The following SHB variants were observed in gnomAD, a reference collection of about 807,000 sequenced individuals.
The protein encoded by SHB is SH2 domain containing adaptor protein B.
SHB carries 20 observed loss-of-function variants against 52.3 expected under a neutral mutation model. The ratio of observed to expected loss-of-function variants is 0.38; its 90% confidence interval spans 0.27 to 0.56. SHB has a LOEUF of 0.56. SHB is among the 20% of genes least tolerant of loss of function. The pLI, the probability that SHB is intolerant of heterozygous loss-of-function variation, is 0.71. For missense variants in SHB, 825 were observed against 723.3 expected (o/e 1.14, Z -1.61); for synonymous variants, 397 against 316.5 (o/e 1.25, Z -2.70).
chr9:38,000,234 AAGG>A (rs1564098407), intron 2 of SHB, among the ~76,000 whole-genome samples: 2 of 152,196 alleles, frequency 1.3e-5, no homozygotes, highest in African/African-American at 4.8e-5. Context: ...TGAACAACTG[AAGG>A]AGACCCCAGG....
At chr9:38,010,978 T>C (rs1329101271) in intron 2 of SHB, among the ~76,000 whole-genome samples, 2 of 152,252 alleles carry the variant, frequency 1.3e-5, no homozygotes, top group Non-Finnish European at 2.9e-5. Context: ...AACAATCTTA[T>C]GCACATGTGC....
intron 1 of SHB, among the ~76,000 whole-genome samples, chr9:38,020,670 G>C (rs1259461575): frequency 5.9e-5 from 9 of 152,100 alleles, no homozygotes; most frequent in Admixed American, 5.9e-4. Flanking sequence ...CTGTGCAGGG[G>C]GAGAGGGCTA....
intron 3 of SHB, among the ~76,000 whole-genome samples, chr9:37,957,878 A>C (rs2117920182): frequency 1.3e-5 from 2 of 152,250 alleles, no homozygotes; most frequent in Middle Eastern, 6.8e-3. Flanking sequence ...TAGGAAGGAC[A>C]CTCCAGGCAG....
chr9:38,067,702 A>G (rs896108242), intron 1 of SHB, among the ~76,000 whole-genome samples: 1 of 152,140 alleles, frequency 6.6e-6, no homozygotes, highest in African/African-American at 2.4e-5. Flanking sequence ...GCTCTCGCTC[A>G]GAGGGGACGT....
intron 2 of SHB, among the ~76,000 whole-genome samples, chr9:37,988,364 T>C (rs1244565796): frequency 2.0e-5 from 3 of 152,160 alleles, no homozygotes; most frequent in Non-Finnish European, 4.4e-5. Context: ...CTCAGAGGCC[T>C]TTCTGACTCC....
In SHB at chr9:37,956,020, G is replaced by C. The variant is rs771134450; in HGVS notation, c.1089C>G (p.Ser363=). The C allele has an allele frequency of 1.9e-6, 3 of 1,580,326 alleles. No individual in the cohort carries two copies. The highest frequency in any genetic ancestry group is 2.6e-6 in the Non-Finnish European group (3 of 1,163,398). The change falls in exon 4 of 6, where the codon TCC becomes TCG. Residue 363 remains serine, a synonymous_variant. Transcript: ENST00000377707. The part of the protein sequence containing the change: ...QFNGNEKRQS[S]PSPSRDRRRQ... The stretch of plus-strand genomic sequence containing the variant: ...GCCGCCGGTCCCGCGAAGGTGAGGG[G>C]GATGACTGCCGCTTCTCGTTGCCAT...
At chr9:38,017,142 G>A (rs1179640675) in intron 1 of SHB, among the ~76,000 whole-genome samples, 3 of 152,072 alleles carry the variant, frequency 2.0e-5, no homozygotes, top group Admixed American at 6.5e-5. Flanking sequence ...CCGAATCCAC[G>A]CCCCTCCTGC....
chr9:37,936,453 C>T (rs942552579), intron 5 of SHB, among the ~76,000 whole-genome samples: 1 of 152,202 alleles, frequency 6.6e-6, no homozygotes, highest in African/African-American at 2.4e-5. Context: ...TTATTACAAT[C>T]ATGGCTCATT....
At chr9:38,017,626 C>T (rs915450897) in intron 1 of SHB, among the ~76,000 whole-genome samples, 2 of 152,216 alleles carry the variant, frequency 1.3e-5, no homozygotes, top group South Asian at 4.1e-4. Flanking sequence ...CAGTGAAGAC[C>T]GAAGCCCAGA....
intron 1 of SHB, among the ~76,000 whole-genome samples, chr9:38,035,564 G>A (rs1466051234): frequency 6.6e-6 from 1 of 152,078 alleles, no homozygotes; most frequent in African/African-American, 2.4e-5. Flanking sequence ...TGAAAGGTTG[G>A]GTGCCATGGG....
chr9:37,947,168 T>C (rs955576807), intron 5 of SHB, among the ~76,000 whole-genome samples: 5 of 152,218 alleles, frequency 3.3e-5, no homozygotes, highest in African/African-American at 1.2e-4. Context: ...GACAACGAAT[T>C]ATGCAGGCAC....
intron 1 of SHB, among the ~76,000 whole-genome samples, chr9:38,040,356 C>T (rs1036553162): frequency 7.9e-5 from 12 of 152,188 alleles, no homozygotes; most frequent in Middle Eastern, 3.2e-3. Context: ...AACCAGACCA[C>T]GGTGGGAAGC....
At chr9:37,981,261 T>C (rs990680275) in intron 2 of SHB, among the ~76,000 whole-genome samples, 5 of 152,256 alleles carry the variant, frequency 3.3e-5, no homozygotes, top group Admixed American at 1.3e-4. Flanking sequence ...CTCAGCTAGA[T>C]CTTCTGGATA....
chr9:38,068,124 G>C lies in SHB; in HGVS notation c.522C>G (p.Ala174=). ...GCTTGGGGGAGATGTAGCGCACCTC[G>C]GCCGGCGTGGCGGGCCGCCGCTCGC... is the stretch of plus-strand genomic sequence containing the variant. ...SSSERRPATP[A]EVRYISPKHR... is the part of the protein sequence containing the mutation. The change falls in exon 1 of 6, where the codon GCC becomes GCG. Residue 174 remains alanine (A), a synonymous_variant. Transcript: ENST00000377707. The C allele has an allele frequency of 6.9e-7, 1 of 1,459,158 alleles. No individual in the cohort carries two copies. Among genetic ancestry groups the C allele is most frequent in the Non-Finnish European group, 8.9e-7 (1 of 1,118,294 alleles). The allele number at this position is 1,459,158 out of a possible 1,614,324, so 90.4% of individuals were successfully genotyped here.
chr9:38,020,118 G>T (rs963391459), intron 1 of SHB, among the ~76,000 whole-genome samples: 1 of 152,204 alleles, frequency 6.6e-6, no homozygotes, highest in Non-Finnish European at 1.5e-5. Context: ...CTTGGAATGG[G>T]GTGCTTAGGG....
chr9:38,068,411 C>G lies in SHB; in HGVS notation c.235G>C (p.Asp79His), dbSNP rs770223680. 6.4e-7 allele frequency: 1 copy of G among 1,570,966 alleles called. No homozygotes were observed. The highest frequency in any genetic ancestry group is 8.6e-7 in the Non-Finnish European group (1 of 1,162,568). Residue 79 changes from aspartate (D) to histidine (H), a missense_variant, in exon 1 of 6, where the codon GAC becomes CAC. Asp to His is a moderately conservative substitution (Grantham distance 81). Coordinates refer to ENST00000377707, the MANE Select transcript of SHB (RefSeq NM_003028.3). ...TGCGCGCGGTAGGCGCGGATGAGGT[C>G]GCTGGTGCTGCCGCTGTCGTCGGGC... ...SLPDDSGSTS[D>H]LIRAYRAQKE... is the part of the protein sequence containing the mutation.
At chr9:37,935,161 C>T (rs2118482293) in intron 5 of SHB, among the ~76,000 whole-genome samples, 1 of 152,266 alleles carries the variant, frequency 6.6e-6, no homozygotes, top group East Asian at 1.9e-4. Context: ...CGGGTCACAC[C>T]ATCTCCTGCG....
chr9:37,997,360 T>C (rs1808805595), intron 2 of SHB, among the ~76,000 whole-genome samples: 1 of 152,174 alleles, frequency 6.6e-6, no homozygotes, highest in South Asian at 2.1e-4. Context: ...CTCCTCCAGG[T>C]CTGAGCTTGG....
chr9:38,067,403 T>TGGGGC (rs1434369271), intron 1 of SHB, among the ~76,000 whole-genome samples: 8 of 150,324 alleles, frequency 5.3e-5, no homozygotes, highest in South Asian at 2.1e-4. Flanking sequence ...GAGCTGGGGG[T>TGGGGC]GGGGCAGGGC....
Sources: allele counts gnomAD v4.1 joint callset (sites outside exome capture counted in the v4.1 genomes callset), GRCh38; gene constraint gnomAD v4.1.1; transcripts MANE v1.5; gene names NCBI Gene and HGNC (gene_info 2026-07-23, HGNC 2026-07-21).